Variants in PKD1L1 observed in about 807,000 individuals in gnomAD.
PKD1L1 encodes the protein polycystin 1 like 1, transient receptor potential channel interacting.
Under a neutral mutation model 323.4 loss-of-function variants are expected in PKD1L1, and 236 were observed. That is an observed-to-expected ratio of 0.73 (90% confidence interval 0.66 to 0.81). The LOEUF (loss-of-function observed/expected upper bound fraction) is 0.81, where lower values mean the gene tolerates loss of function less well. Ranked by LOEUF, PKD1L1 falls within the 40% of genes least tolerant of loss-of-function variation. PKD1L1 has a pLI of 0.00. For missense variants in PKD1L1, 3,320 were observed against 3,508.0 expected (o/e 0.95, Z 1.35); for synonymous variants, 1,344 against 1,335.0 (o/e 1.01, Z -0.15).
At chr7:47,932,132 C>T (rs1162142303) in intron 4 of PKD1L1, 76 bp from the exon 5 acceptor site, 12 of 1,518,408 alleles carry the variant, frequency 7.9e-6, no homozygotes, top group Non-Finnish European at 9.7e-6. Context: ...TATTTGATTA[C>T]AAATCATGCC....
chr7:47,882,025 T>C lies in PKD1L1; in HGVS notation c.3326A>G (p.Asp1109Gly). Residue 1109 changes from aspartate to glycine, a missense_variant, in exon 20 of 57, where the codon GAT becomes GGT. Physicochemically the swap from Asp to Gly is moderately conservative, Grantham distance 94 (BLOSUM62 -1). Coordinates refer to ENST00000289672, the MANE Select transcript of PKD1L1 (RefSeq NM_138295.5). ...GGAGGGGTCCACCAGGTTATCCCCA[T>C]CTCCAGGGCTCTCCTCGGCACTCAA... Reference protein sequence around the residue: ...PSLSAEESPGDGDNLVDPSLS... With the variant: ...PSLSAEESPGGGDNLVDPSLS... 1 of 1,613,982 alleles carries C rather than the reference T, an allele frequency of 6.2e-7. No homozygotes were observed. Among genetic ancestry groups the C allele is most frequent in the Non-Finnish European group, 8.5e-7 (1 of 1,179,988 alleles).
At chr7:47,922,793 A>C (rs1036121433) in intron 7 of PKD1L1, among the ~76,000 whole-genome samples, 3 of 150,200 alleles carry the variant, frequency 2.0e-5, no homozygotes, top group South Asian at 4.2e-4. Context: ...CCATCTGGGA[A>C]GTGGGGAGCC....
At chr7:47,798,123 C>G (rs1784582775) in intron 54 of PKD1L1, among the ~76,000 whole-genome samples, 1 of 152,104 alleles carries the variant, frequency 6.6e-6, no homozygotes, top group African/African-American at 2.4e-5. Context: ...GGCAAAAGAG[C>G]TAGAACACCT....
intron 50 of PKD1L1, among the ~76,000 whole-genome samples, chr7:47,811,384 T>TG (rs1784891209): frequency 6.6e-6 from 1 of 152,148 alleles, no homozygotes; most frequent in Admixed American, 6.5e-5. Flanking sequence ...GTTGAACTCC[T>TG]GACCTTGTGA....
At chr7:47,820,299 A>G (rs1785112817) in intron 46 of PKD1L1, among the ~76,000 whole-genome samples, 1 of 152,240 alleles carries the variant, frequency 6.6e-6, no homozygotes, top group Non-Finnish European at 1.5e-5. Context: ...GCCTGGTGGT[A>G]TCACGGAAAT....
intron 19 of PKD1L1, among the ~76,000 whole-genome samples, chr7:47,884,352 G>C (rs984491683): frequency 6.6e-6 from 1 of 152,142 alleles, no homozygotes; most frequent in African/African-American, 2.4e-5. Context: ...GAAGAGCTGG[G>C]ATGCTCATCC....
chr7:47,876,129 AAC>A lies in PKD1L1; in HGVS notation c.3750_3751del (p.Leu1251AlafsTer4), dbSNP rs1441889501. 1 of 1,614,128 alleles carries A rather than the reference AAC, an allele frequency of 6.2e-7. No individual in the cohort carries two copies. The highest frequency in any genetic ancestry group is 8.5e-7 in the Non-Finnish European group (1 of 1,179,992). On this transcript the variant is annotated frameshift_variant, in exon 23 of 57. Coordinates refer to ENST00000289672, the MANE Select transcript of PKD1L1 (RefSeq NM_138295.5). LOFTEE classifies it high-confidence loss of function. ...ATTGTCCAAGTGCTCACCAGCTGGC[AAC>A]ACAAAATAATACTGGGTGTCTCTCC...
chr7:47,804,227 A>T (rs1219289142), intron 52 of PKD1L1, among the ~76,000 whole-genome samples: 4 of 152,238 alleles, frequency 2.6e-5, no homozygotes, highest in Non-Finnish European at 5.9e-5. Context: ...CCTTCAGAGC[A>T]GGCAGGGCCG....
At chr7:47,789,878 C>G (rs903257535) in intron 56 of PKD1L1, among the ~76,000 whole-genome samples, 7 of 151,906 alleles carry the variant, frequency 4.6e-5, no homozygotes, top group Non-Finnish European at 1.0e-4. Flanking sequence ...TATAAATCCT[C>G]TATTTTATTT....
At chr7:47,929,734 T>C (rs1474185845) in intron 6 of PKD1L1, among the ~76,000 whole-genome samples, 1 of 152,140 alleles carries the variant, frequency 6.6e-6, no homozygotes, top group African/African-American at 2.4e-5. Flanking sequence ...ACATGCAAAT[T>C]CTTGACCCAC....
chr7:47,947,449 G>A (rs925968000), intron 1 of PKD1L1, among the ~76,000 whole-genome samples: 2 of 152,258 alleles, frequency 1.3e-5, no homozygotes, highest in African/African-American at 4.8e-5. Context: ...TGCAGGCACA[G>A]GCTCCCATCA....
intron 31 of PKD1L1, among the ~76,000 whole-genome samples, chr7:47,850,702 C>T (rs946522372): frequency 6.7e-6 from 1 of 150,322 alleles, no homozygotes; most frequent in African/African-American, 2.5e-5. Flanking sequence ...GTGAACCTAG[C>T]TGTATATAAA....
intron 45 of PKD1L1, 128 bp from the exon 46 acceptor site, chr7:47,821,314 G>A: frequency 3.6e-6 from 2 of 548,122 alleles, no homozygotes; most frequent in Non-Finnish European, 3.1e-6. Context: ...TGTCACCCAG[G>A]CTGGAGTGCA....
chr7:47,906,980 C>T (rs1183045751), intron 9 of PKD1L1, among the ~76,000 whole-genome samples: 3 of 152,312 alleles, frequency 2.0e-5, no homozygotes, highest in African/African-American at 7.2e-5. Context: ...TTGGACCTTC[C>T]TATTCTAAAT....
At chr7:47,884,751 G>A (rs746951590) in intron 18 of PKD1L1, 94 bp from the exon 19 acceptor site, 56 of 1,014,274 alleles carry the variant, frequency 5.5e-5, no homozygotes, top group African/African-American at 2.7e-4. Flanking sequence ...ATTGTCCTTG[G>A]TGTATTTCTA....
chr7:47,906,115 T>C (rs181737458), intron 9 of PKD1L1, among the ~76,000 whole-genome samples, 153 bp from the exon 10 acceptor site: 1 of 152,350 alleles, frequency 6.6e-6, no homozygotes, highest in East Asian at 1.9e-4. Flanking sequence ...AAATCAGACA[T>C]ACCTGGGAAA....
At chr7:47,792,933 C>A in intron 55 of PKD1L1, 136 bp from the exon 56 acceptor site, 1 of 778,968 alleles carries the variant, frequency 1.3e-6, no homozygotes, top group Non-Finnish European at 2.0e-6. Context: ...ACTCTGCCTG[C>A]AGTTAGAAGA....
At chr7:47,956,167 A>C in the PKD1L1 span, among the ~76,000 whole-genome samples, 1 of 151,658 alleles carries the variant, frequency 6.6e-6, no homozygotes, top group Non-Finnish European at 1.5e-5. Context: ...AAAACCATGA[A>C]CAGAGGGTAA....
chr7:47,843,309 T>G (rs1785601657), intron 33 of PKD1L1, 140 bp from the exon 34 acceptor site: 1 of 695,928 alleles, frequency 1.4e-6, no homozygotes, highest in Non-Finnish European at 2.4e-6. Flanking sequence ...TGCTGGAAGC[T>G]GAGTTAGAAG....
Sources: gnomAD v4.1 joint callset for allele counts (sites outside exome capture counted in the v4.1 genomes callset) on GRCh38, gnomAD v4.1.1 for gene constraint, MANE v1.5 for transcripts, NCBI Gene and HGNC (gene_info 2026-07-23, HGNC 2026-07-21) for gene names.